Variants in KALRN observed in about 807,000 individuals in gnomAD.
KALRN encodes kalirin.
A neutral mutation model predicts 353.7 loss-of-function variants in KALRN; 70 were observed. That is an observed-to-expected ratio of 0.20 (90% CI 0.16 to 0.24). KALRN has a LOEUF of 0.24. Ranked by LOEUF, KALRN falls within the 10% of genes least tolerant of loss-of-function variation. The probability of loss-of-function intolerance (pLI) is 1.00; values close to 1 mark genes in which losing one functional copy is unlikely to be tolerated. For synonymous variants in KALRN, 1,391 were observed against 1,434.8 expected, an observed-to-expected ratio of 0.97 and a Z score of 0.69; for missense variants, 2,791 against 3,756.7, an observed-to-expected ratio of 0.74 and a Z score of 6.72.
chr3:124,149,425 C>G (rs1422739282), intron 1 of KALRN, among the ~76,000 whole-genome samples: 2 of 152,182 alleles, frequency 1.3e-5, no homozygotes, highest in Non-Finnish European at 1.5e-5. Flanking sequence ...GAATGCTGTC[C>G]TTTCCTTTGA....
chr3:124,632,393 A>G (rs747199502), intron 34 of KALRN, 27 bp from the exon 35 acceptor site: 61 of 1,609,790 alleles, frequency 3.8e-5, no homozygotes, highest in Non-Finnish European at 4.8e-5. Context: ...CACCTCTGAC[A>G]TGGCTGTGTC....
intron 1 of KALRN, among the ~76,000 whole-genome samples, chr3:124,076,793 A>C (rs2060282422): frequency 6.6e-6 from 1 of 152,166 alleles, no homozygotes; most frequent in Non-Finnish European, 1.5e-5. Flanking sequence ...CCCAGCAGCC[A>C]CTCAGCCCCA....
chr3:124,496,269 C>A, intron 32 of KALRN, 42 bp from the exon 33 acceptor site: 2 of 1,451,100 alleles, frequency 1.4e-6, no homozygotes, highest in Non-Finnish European at 1.9e-6. Flanking sequence ...CACAGTGGTT[C>A]CCCCCACCCC....
chr3:124,355,709 C>CTTTT lies in KALRN; in HGVS notation c.1770+8465_1770+8468dup, dbSNP rs3055894. 1.5e-3 allele frequency among the ~76,000 whole-genome samples: 147 copies of CTTTT among 97,396 alleles called. 4 individuals carry two copies. The highest frequency in any genetic ancestry group is 2.9e-3 in the African/African-American group (72 of 24,756). 63.9% of individuals were successfully genotyped at this position (97,396 alleles called of 152,430 possible). A position where few individuals can be genotyped will look rare whatever the true frequency, so the allele number is the denominator to read the frequency against. ...TTAAACACCCTCAACTCTCTCCCAT[C>CTTTT]TTTTTTTTTTTTTTTTTTTTTTTTG... is the stretch of plus-strand genomic sequence containing the variant. On this transcript the variant is annotated intron_variant, in intron 10 of 59. Coordinates refer to ENST00000682506, the MANE Select transcript of KALRN (RefSeq NM_001388419.1).
chr3:124,551,642 C>T (rs2070547551), intron 33 of KALRN, among the ~76,000 whole-genome samples: 1 of 152,234 alleles, frequency 6.6e-6, no homozygotes, highest in South Asian at 2.1e-4. Context: ...GACACAACCA[C>T]AGCAGTAGCA....
At chr3:124,691,232 C>G (rs1230559408) in intron 51 of KALRN, among the ~76,000 whole-genome samples, 1 of 152,088 alleles carries the variant, frequency 6.6e-6, no homozygotes, top group East Asian at 1.9e-4. Flanking sequence ...AGTTCAAGAC[C>G]AGCCTGACCA....
At chr3:124,094,184 T>A (rs1399512711) in intron 1 of KALRN, 1 of 154,352 alleles carries the variant, frequency 6.5e-6, no homozygotes, top group African/African-American at 2.4e-5. Context: ...TTTGGACCCA[T>A]GACTGTGTGA....
At chr3:124,288,067 G>T (rs1445815958) in intron 5 of KALRN, among the ~76,000 whole-genome samples, 2 of 151,724 alleles carry the variant, frequency 1.3e-5, no homozygotes, top group African/African-American at 2.4e-5. Flanking sequence ...TAGAGATGGG[G>T]TTTCGCCTTG....
chr3:124,162,263 T>G (rs1044435446), intron 1 of KALRN: 1 of 152,160 alleles, frequency 6.6e-6, no homozygotes, highest in Non-Finnish European at 1.5e-5. Context: ...CTAGGTGGAA[T>G]AGATGCTTGC....
chr3:124,177,675 A>G (rs919391112), intron 1 of KALRN, among the ~76,000 whole-genome samples: 1 of 152,224 alleles, frequency 6.6e-6, no homozygotes, highest in Non-Finnish European at 1.5e-5. Flanking sequence ...GAGGAATATT[A>G]GGGAGTTGGG....
At chr3:124,458,416 A>T (rs1034157875) in intron 23 of KALRN, among the ~76,000 whole-genome samples, 6 of 150,846 alleles carry the variant, frequency 4.0e-5, no homozygotes, top group Admixed American at 3.3e-4. Context: ...CTCATATCCT[A>T]TGCCTCTATA....
At chr3:124,278,092 G>C (rs1471150538) in intron 5 of KALRN, among the ~76,000 whole-genome samples, 1 of 151,576 alleles carries the variant, frequency 6.6e-6, no homozygotes, top group Non-Finnish European at 1.5e-5. Context: ...AGTGTCTACT[G>C]TGTGACAGGC....
rs554396345 is a variant in KALRN, at chr3:124,555,813, G to A, written c.4936-7030G>A. On this transcript the variant is annotated intron_variant, in intron 33 of 59. Transcript: ENST00000682506. ...GGCATTGCTCTAAACTCGGGAGATA[G>A]GACCATGAGCAAGACGGAATGCTCT... Among the ~76,000 whole-genome samples the A allele has an allele frequency of 5.3e-5, 8 of 152,244 alleles. No individual in the cohort carries two copies. In the South Asian group the frequency reaches 1.5e-3, roughly 28 times the overall value.
chr3:124,522,168 T>C (rs1490708622), intron 33 of KALRN, among the ~76,000 whole-genome samples: 2 of 151,934 alleles, frequency 1.3e-5, no homozygotes, highest in Admixed American at 6.6e-5. Flanking sequence ...CAAATAAATG[T>C]ATGTATATAC....
At chr3:124,711,469 T>C (rs1036059969) in intron 57 of KALRN, among the ~76,000 whole-genome samples, 2 of 152,206 alleles carry the variant, frequency 1.3e-5, no homozygotes, top group African/African-American at 4.8e-5. Context: ...AGGAATGGGC[T>C]GGTCTTCAGA....
intron 33 of KALRN, among the ~76,000 whole-genome samples, chr3:124,507,367 A>G (rs1320814538): frequency 2.0e-5 from 3 of 152,228 alleles, no homozygotes; most frequent in East Asian, 1.9e-4. Flanking sequence ...TTTAAATTTA[A>G]GACAATACTG....
intron 33 of KALRN, among the ~76,000 whole-genome samples, chr3:124,499,569 A>G (rs558160045): frequency 1.2e-4 from 18 of 152,284 alleles, no homozygotes; most frequent in African/African-American, 4.3e-4. Context: ...TTTATTGTTT[A>G]TTAACTGTCA....
intron 1 of KALRN, among the ~76,000 whole-genome samples, chr3:124,040,405 C>T (rs1236924243): frequency 6.6e-6 from 1 of 152,124 alleles, no homozygotes; most frequent in African/African-American, 2.4e-5. Flanking sequence ...CTCCCACCCC[C>T]CATCATAGAA....
chr3:124,687,433 A>G (rs1324597294), intron 51 of KALRN, among the ~76,000 whole-genome samples: 1 of 152,134 alleles, frequency 6.6e-6, no homozygotes, highest in Admixed American at 6.6e-5. Flanking sequence ...CTTTGCAACC[A>G]ACTATCTTGT....
Sources: gnomAD v4.1 joint callset for allele counts (sites outside exome capture counted in the v4.1 genomes callset) on GRCh38, gnomAD v4.1.1 for gene constraint, MANE v1.5 for transcripts, NCBI Gene and HGNC (gene_info 2026-07-23, HGNC 2026-07-21) for gene names.